Variants in XKR9 observed in about 807,000 individuals in gnomAD.
XKR9 encodes the protein XK-related protein 9.
XKR9 carries 32 observed loss-of-function variants against 32.0 expected under a neutral mutation model. The observed-to-expected ratio is 1.00, with a 90% CI of 0.76 to 1.34. The LOEUF (loss-of-function observed/expected upper bound fraction) is 1.34, where lower values mean the gene tolerates loss of function less well. Among genes scored for constraint, XKR9 ranks in the 40% most tolerant of loss-of-function variants. The pLI is 0.00. For missense variants in XKR9, 546 were observed against 429.7 expected, an observed-to-expected ratio of 1.27 and a Z score of -2.39; for synonymous variants, 168 against 143.4, an observed-to-expected ratio of 1.17 and a Z score of -1.22.
chr8:70,735,106 A>C lies in XKR9; in HGVS notation c.*682A>C, dbSNP rs1447725129. The C allele has an allele frequency of 6.6e-6, 1 of 152,110 alleles. No individual in the cohort carries two copies. The highest frequency in any genetic ancestry group is 1.9e-4 in the East Asian group (1 of 5,202). 9.4% of individuals were successfully genotyped at this position (152,110 alleles called of 1,614,324 possible). A position where few individuals can be genotyped will look rare whatever the true frequency, so the allele number is the denominator to read the frequency against. ...TTAAAATTATTTTTATTTTTAAAAA[A>C]TTATGGTAAAAACATATAAAATTTA... On this transcript the variant is annotated 3_prime_UTR_variant, in exon 5 of 5. Transcript: ENST00000408926.
chr8:70,908,226 T>G, the XKR9 span, among the ~76,000 whole-genome samples: 1 of 152,204 alleles, frequency 6.6e-6, no homozygotes, highest in Non-Finnish European at 1.5e-5. Flanking sequence ...CTATCATTAA[T>G]GTACCAGATA....
chr8:70,695,023 A>G (rs1213462479), intron 3 of XKR9, among the ~76,000 whole-genome samples: 1 of 152,110 alleles, frequency 6.6e-6, no homozygotes, highest in Non-Finnish European at 1.5e-5. Context: ...CTGTGGGAGA[A>G]GCATGATTTC....
rs532279284 is a variant in XKR9, at chr8:70,690,217, A to G, written c.272+8887A>G. 5.3e-5 allele frequency among the ~76,000 whole-genome samples: 8 copies of G among 152,232 alleles called. No homozygotes were observed. The East Asian group carries it at 1.5e-3, about 29-fold the overall frequency. On this transcript the variant is annotated intron_variant, in intron 3 of 4. Coordinates refer to ENST00000408926, the MANE Select transcript of XKR9 (RefSeq NM_001011720.2). ...ATTACATCACTCAGGTATTAAGTTC[A>G]GTACCAAATAGTTATCTTTTCTGTT...
the XKR9 span, among the ~76,000 whole-genome samples, chr8:70,966,360 T>A: frequency 6.6e-6 from 1 of 152,166 alleles, no homozygotes. Context: ...GTGATTCTCA[T>A]GCCTCAGCCC....
chr8:70,834,570 TATATC>T, the XKR9 span, among the ~76,000 whole-genome samples: 8 of 152,292 alleles, frequency 5.3e-5, no homozygotes, highest in Middle Eastern at 3.4e-3. Context: ...TATTCAAAAA[TATATC>T]TTATTAGTCT....
chr8:70,808,691 G>A, the XKR9 span, among the ~76,000 whole-genome samples: 1 of 152,250 alleles, frequency 6.6e-6, no homozygotes, highest in Non-Finnish European at 1.5e-5. Flanking sequence ...ACGGAGCCTT[G>A]CTCATTGCTA....
At chr8:71,000,805 A>G in the XKR9 span, among the ~76,000 whole-genome samples, 1 of 152,222 alleles carries the variant, frequency 6.6e-6, no homozygotes, top group African/African-American at 2.4e-5. Flanking sequence ...CCGCAAGAAG[A>G]TGAGCCCTTG....
the XKR9 span, among the ~76,000 whole-genome samples, chr8:71,050,224 A>C: frequency 7.2e-6 from 1 of 139,786 alleles, no homozygotes; most frequent in Non-Finnish European, 1.6e-5. Flanking sequence ...TGAAGTACTT[A>C]TGCCTGGCAG....
Position 70,706,149 on chromosome 8 carries a change from A to G in XKR9, c.273-784A>G, listed in dbSNP as rs558492562. ...TGAAGAAACTGAGACATATATAAAG[A>G]CTTTTGATAAGCTTTGGGGGAAGAA... On this transcript the variant is annotated intron_variant, in intron 3 of 4. Transcript: ENST00000408926. Among the ~76,000 whole-genome samples, 297 of 152,272 alleles carry G rather than the reference A, an allele frequency of 2.0e-3. 2 individuals are homozygous for G. The highest frequency in any genetic ancestry group is 6.5e-3 in the African/African-American group (272 of 41,566).
At chr8:70,914,284 A>G in the XKR9 span, among the ~76,000 whole-genome samples, 1 of 152,198 alleles carries the variant, frequency 6.6e-6, no homozygotes, top group Admixed American at 6.6e-5. Flanking sequence ...CATAGCAGAT[A>G]CATATGTTTA....
At chr8:71,050,270 GATAGAT>G in the XKR9 span, among the ~76,000 whole-genome samples, 43,530 of 123,240 alleles carry the variant, frequency 0.35, 7,057 homozygotes, top group East Asian at 0.57. Context: ...TAGATAGATA[GATAGAT>G]ATAGATATAG....
At chr8:71,031,349 G>A in the XKR9 span, among the ~76,000 whole-genome samples, 1 of 152,080 alleles carries the variant, frequency 6.6e-6, no homozygotes, top group Non-Finnish European at 1.5e-5. Context: ...GCATATACAG[G>A]ACATTAAAAT....
At chr8:70,877,154 G>A in the XKR9 span, among the ~76,000 whole-genome samples, 1 of 152,118 alleles carries the variant, frequency 6.6e-6, no homozygotes, top group African/African-American at 2.4e-5. Flanking sequence ...GGATCTGAAG[G>A]TTTTCCTTTG....
intron 3 of XKR9, among the ~76,000 whole-genome samples, chr8:70,695,169 A>AT (rs200342538): frequency 1.0e-4 from 15 of 144,832 alleles, no homozygotes; most frequent in South Asian, 4.3e-4. Context: ...TTTTAAAAAA[A>AT]TTTTTTTTTA....
chr8:70,876,764 G>A, the XKR9 span, among the ~76,000 whole-genome samples: 1 of 152,078 alleles, frequency 6.6e-6, no homozygotes, highest in East Asian at 1.9e-4. Context: ...GAAGCTATGA[G>A]TCTTGCATTG....
intron 3 of XKR9, among the ~76,000 whole-genome samples, chr8:70,698,207 T>G (rs1239572640): frequency 5.9e-5 from 9 of 151,958 alleles, no homozygotes; most frequent in Middle Eastern, 3.4e-3. Flanking sequence ...TGATTTTAGT[T>G]ATTTCTTGCC....
chr8:70,813,187 T>C, the XKR9 span, among the ~76,000 whole-genome samples: 16 of 152,152 alleles, frequency 1.1e-4, 1 homozygote, highest in Admixed American at 5.2e-4. Context: ...AAACAAGCAA[T>C]GGGGAAAGGA....
At chr8:70,780,775 T>A (rs544002493) in intron 2 of XKR9, 11 of 152,266 alleles carry the variant, frequency 7.2e-5, no homozygotes, top group African/African-American at 2.4e-4. Flanking sequence ...AATTTTATGT[T>A]TGTCTTTTTA....
chr8:70,727,455 C>T (rs906367788), intron 4 of XKR9, among the ~76,000 whole-genome samples: 2 of 151,838 alleles, frequency 1.3e-5, no homozygotes, highest in Admixed American at 6.6e-5. Flanking sequence ...GGCTGGAGTG[C>T]AGTGGCGCGA....
Sources: allele counts gnomAD v4.1 joint callset (sites outside exome capture counted in the v4.1 genomes callset), GRCh38; gene constraint gnomAD v4.1.1; transcripts MANE v1.5; gene names NCBI Gene and HGNC (gene_info 2026-07-23, HGNC 2026-07-21).